BRINP2: variants seen among roughly 807,000 people sequenced by gnomAD.
BRINP2 encodes the protein BMP/retinoic acid-inducible neural-specific protein 2.
Under a neutral mutation model 69.2 loss-of-function variants are expected in BRINP2, and 21 were observed. That is an observed-to-expected ratio of 0.30 (90% CI 0.22 to 0.44). The LOEUF (loss-of-function observed/expected upper bound fraction) is 0.44. Among genes scored for constraint, BRINP2 ranks in the 20% least tolerant of loss-of-function variants. The probability of loss-of-function intolerance (pLI) is 1.00; values close to 1 mark genes in which losing one functional copy is unlikely to be tolerated. For synonymous variants in BRINP2, 380 were observed against 394.1 expected (o/e 0.96, Z 0.42); for missense variants, 877 against 986.0 (o/e 0.89, Z 1.48).
chr1:177,205,221 A>G, intron 1 of BRINP2, among the ~76,000 whole-genome samples: 1 of 151,930 alleles, frequency 6.6e-6, no homozygotes, highest in East Asian at 1.9e-4. Context: ...TCGGCTCACA[A>G]TCTCCACCTC....
chr1:177,268,357 C>G (rs1315237908), intron 4 of BRINP2, among the ~76,000 whole-genome samples: 1 of 152,210 alleles, frequency 6.6e-6, no homozygotes, highest in Non-Finnish European at 1.5e-5. Flanking sequence ...TTCCTCTACT[C>G]AGCAGCTGGC....
intron 1 of BRINP2, among the ~76,000 whole-genome samples, chr1:177,186,449 G>A (rs1445656671): frequency 1.3e-5 from 2 of 152,102 alleles, no homozygotes; most frequent in African/African-American, 4.8e-5. Context: ...AACCTAAAAC[G>A]TTGTAAGCCA....
At chr1:177,234,348 C>T (rs1344064267) in intron 2 of BRINP2, among the ~76,000 whole-genome samples, 3 of 152,166 alleles carry the variant, frequency 2.0e-5, no homozygotes, top group Non-Finnish European at 2.9e-5. Context: ...ACCATGCCAC[C>T]TCCCTTTGAC....
At chr1:177,267,019 G>A (rs753830725) in intron 4 of BRINP2, among the ~76,000 whole-genome samples, 5 of 152,136 alleles carry the variant, frequency 3.3e-5, no homozygotes, top group Non-Finnish European at 7.4e-5. Context: ...CCCATACTGT[G>A]GGCAGTGGGT....
chr1:177,277,303 A>G (rs1651531641), intron 6 of BRINP2, among the ~76,000 whole-genome samples: 1 of 152,030 alleles, frequency 6.6e-6, no homozygotes, highest in Non-Finnish European at 1.5e-5. Flanking sequence ...AAAAATAAAA[A>G]ATATGTGATA....
chr1:177,225,592 A>G (rs1007070930), intron 1 of BRINP2, among the ~76,000 whole-genome samples: 3 of 152,204 alleles, frequency 2.0e-5, no homozygotes, highest in Admixed American at 2.0e-4. Flanking sequence ...GAGGATTTAG[A>G]CAGTTAAAAT....
Position 177,281,259 on chromosome 1 carries a change from G to C in BRINP2, c.2083G>C (p.Asp695His). 1 of 1,614,166 alleles carries C rather than the reference G, an allele frequency of 6.2e-7. No individual in the cohort carries two copies. ...VFGYSLPFDP[D>H]AIRDLILQLD... ...TGGCTACAGCCTGCCCTTTGACCCA[G>C]ATGCTATCCGGGACTTAATTCTCCA... The change falls in exon 8 of 8, where the codon GAT (aspartate) becomes CAT (histidine). Residue 695 changes from aspartate (D) to histidine (H), a missense_variant. Coordinates refer to ENST00000361539, the MANE Select transcript of BRINP2 (RefSeq NM_021165.4).
At chr1:177,262,147 A>C (rs1650973982) in intron 4 of BRINP2, among the ~76,000 whole-genome samples, 1 of 152,176 alleles carries the variant, frequency 6.6e-6, no homozygotes. Context: ...CTGGGGAGCG[A>C]TGTGGGGTCA....
intron 1 of BRINP2, among the ~76,000 whole-genome samples, chr1:177,186,924 C>A (rs929708073): frequency 2.6e-5 from 4 of 152,088 alleles, no homozygotes; most frequent in African/African-American, 7.2e-5. Context: ...CTTTTAATGG[C>A]AATTTAGGCA....
In BRINP2 at chr1:177,217,291, G is replaced by C. The variant is rs139221838; in HGVS notation, c.-76-12510G>C. Among the ~76,000 whole-genome samples, 978 of 151,968 alleles carry C rather than the reference G, an allele frequency of 6.4e-3. 12 individuals carry two copies. Among genetic ancestry groups the C allele is most frequent in the African/African-American group, 0.022 (913 of 41,456 alleles). On this transcript the variant is annotated intron_variant, in intron 1 of 7. Transcript: ENST00000361539. Reference sequence around the variant, plus strand: ...CAGCTTGATAAAGTCAGCTGTTGAAGCTTTCTATTGCATTTTTCAGTTCAG... The same window carrying C: ...CAGCTTGATAAAGTCAGCTGTTGAACCTTTCTATTGCATTTTTCAGTTCAG...
intron 1 of BRINP2, among the ~76,000 whole-genome samples, chr1:177,178,421 T>C (rs1648150478): frequency 6.6e-6 from 1 of 152,162 alleles, no homozygotes. Context: ...AGCAGCCACT[T>C]CAAACACCAG....
chr1:177,215,413 C>T (rs1334178831), intron 1 of BRINP2, among the ~76,000 whole-genome samples: 1 of 152,048 alleles, frequency 6.6e-6, no homozygotes, highest in Non-Finnish European at 1.5e-5. Flanking sequence ...TATCTGAGTT[C>T]ACTTCATTGA....
rs569785724 is a variant in BRINP2 at position 177,248,247 on chromosome 1, T to C, written c.270-7672T>C. On this transcript the variant is annotated intron_variant, in intron 2 of 7. Transcript: ENST00000361539. ...GAATTTTTTTTCAGATTTTAGAATATTTGCATTATACTGGATCAGCATCTC... is the reference window on the plus strand; with the variant it reads ...GAATTTTTTTTCAGATTTTAGAATACTTGCATTATACTGGATCAGCATCTC... Among the ~76,000 whole-genome samples the C allele has an allele frequency of 2.8e-4, 42 of 152,250 alleles. No individual in the cohort carries two copies. In the South Asian group the frequency reaches 8.1e-3, roughly 29 times the overall value.
At chr1:177,263,516 C>T (rs1651024447) in intron 4 of BRINP2, among the ~76,000 whole-genome samples, 1 of 152,122 alleles carries the variant, frequency 6.6e-6, no homozygotes, top group Non-Finnish European at 1.5e-5. Flanking sequence ...ATGGCCACTG[C>T]TAGAGAAGGC....
intron 2 of BRINP2, among the ~76,000 whole-genome samples, chr1:177,237,101 T>C (rs978301324): frequency 2.0e-5 from 3 of 152,126 alleles, no homozygotes; most frequent in Admixed American, 6.6e-5. Context: ...ACATAGTACT[T>C]TAAGGTCCTG....
At chr1:177,241,126 C>T (rs1364796827) in intron 2 of BRINP2, among the ~76,000 whole-genome samples, 1 of 152,132 alleles carries the variant, frequency 6.6e-6, no homozygotes, top group African/African-American at 2.4e-5. Flanking sequence ...CATCCACCAC[C>T]ATGCCCGGCT....
At chr1:177,279,523 T>C (rs1037320283) in intron 7 of BRINP2, among the ~76,000 whole-genome samples, 1 of 152,302 alleles carries the variant, frequency 6.6e-6, no homozygotes, top group African/African-American at 2.4e-5. Flanking sequence ...ATCTGGTACA[T>C]GTGAGGTAGG....
At chr1:177,187,681 T>C (rs1648468615) in intron 1 of BRINP2, among the ~76,000 whole-genome samples, 2 of 152,192 alleles carry the variant, frequency 1.3e-5, no homozygotes, top group Admixed American at 1.3e-4. Context: ...CGACTTCCGC[T>C]CTTGTTCTGC....
chr1:177,208,305 T>A (rs1019862115), intron 1 of BRINP2, among the ~76,000 whole-genome samples: 2 of 152,148 alleles, frequency 1.3e-5, no homozygotes, highest in African/African-American at 4.8e-5. Context: ...AAGATGTTTG[T>A]GGAAAGACAG....
Sources: allele counts gnomAD v4.1 joint callset (sites outside exome capture counted in the v4.1 genomes callset), GRCh38; gene constraint gnomAD v4.1.1; transcripts MANE v1.5; gene names NCBI Gene and HGNC (gene_info 2026-07-23, HGNC 2026-07-21).